Variants in MYO10 observed in about 807,000 individuals in gnomAD.
The protein encoded by MYO10 is myosin X.
Under a neutral mutation model 257.3 loss-of-function variants are expected in MYO10, and 133 were observed. The observed-to-expected ratio is 0.52, with a 90% confidence interval of 0.45 to 0.60. The LOEUF is 0.60. Among genes scored for constraint, MYO10 ranks in the 20% least tolerant of loss-of-function variants. The pLI, the probability that MYO10 is intolerant of heterozygous loss-of-function variation, is 0.00. For missense variants in MYO10, 2,399 were observed against 2,635.7 expected, an observed-to-expected ratio of 0.91 and a Z score of 1.97; for synonymous variants, 1,104 against 1,028.6, an observed-to-expected ratio of 1.07 and a Z score of -1.40.
intron 1 of MYO10, among the ~76,000 whole-genome samples, chr5:16,906,476 C>G (rs1303267511): frequency 6.6e-6 from 1 of 152,166 alleles, no homozygotes; most frequent in Non-Finnish European, 1.5e-5. Context: ...CCCCTGGAGG[C>G]AAAATCGCAC....
intron 12 of MYO10, 62 bp downstream of exon 12, chr5:16,764,188 G>C (rs1410999027): frequency 5.8e-6 from 9 of 1,552,016 alleles, no homozygotes; most frequent in Non-Finnish European, 7.9e-6. Flanking sequence ...ACAGAGATTT[G>C]TTCAATAGCA....
intron 1 of MYO10, among the ~76,000 whole-genome samples, chr5:16,880,904 T>A (rs1188924610): frequency 2.0e-5 from 3 of 152,232 alleles, no homozygotes; most frequent in African/African-American, 7.2e-5. Flanking sequence ...AGATTTCAAG[T>A]GCCTGATGAC....
At chr5:16,764,156 A>AG in intron 12 of MYO10, 94 bp downstream of exon 12, 1 of 1,433,150 alleles carries the variant, frequency 7.0e-7, no homozygotes, top group Non-Finnish European at 9.5e-7. Flanking sequence ...CAAAAAAAAA[A>AG]AGAAAAAAAA....
intron 2 of MYO10, among the ~76,000 whole-genome samples, chr5:16,837,784 C>A (rs1355782163): frequency 2.0e-5 from 3 of 152,176 alleles, no homozygotes; most frequent in Admixed American, 6.6e-5. Flanking sequence ...GTTTAATTCA[C>A]AGACACTGCA....
rs192382363 is a variant in MYO10, at chr5:16,861,599, G to C, written c.120+16010C>G. On this transcript the variant is annotated intron_variant, in intron 2 of 40. Coordinates refer to ENST00000513610, the MANE Select transcript of MYO10 (RefSeq NM_012334.3). ...AAAAAAGAAAAAAAGCTATTGCAAA[G>C]TAGGGGTAAGTGAGAAGTGGCATGA... Among the ~76,000 whole-genome samples, 557 of 152,162 alleles carry C rather than the reference G, an allele frequency of 3.7e-3. 5 individuals carry two copies. Among genetic ancestry groups the C allele is most frequent in the African/African-American group, 0.013 (543 of 41,528 alleles).
At chr5:16,804,035 C>T (rs956234374) in intron 3 of MYO10, among the ~76,000 whole-genome samples, 12 of 152,322 alleles carry the variant, frequency 7.9e-5, no homozygotes, top group Middle Eastern at 3.4e-3. Flanking sequence ...CCTACGGTCA[C>T]GGAGCCCGTG....
At chr5:16,699,321 T>C in intron 26 of MYO10, 129 bp downstream of exon 26, 1 of 1,260,962 alleles carries the variant, frequency 7.9e-7, no homozygotes. Context: ...TAGAACGACT[T>C]TCCCAGTCCC....
rs73064989 is a variant in MYO10 at position 16,922,327 on chromosome 5, C to T, written c.21+13461G>A. Among the ~76,000 whole-genome samples the T allele has an allele frequency of 9.7e-3, 1,469 of 152,216 alleles. 25 individuals carry two copies. The highest frequency in any genetic ancestry group is 0.034 in the African/African-American group (1,398 of 41,522). ...CTTCCAGAGGGCTGCACACCTTGGC[C>T]CTTAGCTCCAAGCCGCCTGCAATGA... On this transcript the variant is annotated intron_variant, in intron 1 of 40. Transcript: ENST00000513610.
At chr5:16,870,680 G>A (rs973043080) in intron 2 of MYO10, among the ~76,000 whole-genome samples, 1 of 151,966 alleles carries the variant, frequency 6.6e-6, no homozygotes, top group Non-Finnish European at 1.5e-5. Flanking sequence ...ATCATCTGAG[G>A]TTGGGAGTTG....
At chr5:16,741,528 T>A (rs1740017802) in intron 19 of MYO10, among the ~76,000 whole-genome samples, 1 of 151,994 alleles carries the variant, frequency 6.6e-6, no homozygotes, top group African/African-American at 2.4e-5. Context: ...AAAAAAGAAG[T>A]TTTCCTATAA....
chr5:16,781,965 A>G, intron 5 of MYO10, 136 bp from the exon 6 acceptor site: 1 of 1,094,838 alleles, frequency 9.1e-7, no homozygotes, highest in East Asian at 2.4e-5. Context: ...GGCAATGTTT[A>G]TTTCCGGAAG....
intron 18 of MYO10, among the ~76,000 whole-genome samples, chr5:16,756,506 T>A (rs567309950): frequency 6.6e-6 from 1 of 152,238 alleles, no homozygotes; most frequent in African/African-American, 2.4e-5. Context: ...CATAATCTTG[T>A]TGAAGAAAAC....
At chr5:16,923,129 T>C (rs897782504) in intron 1 of MYO10, among the ~76,000 whole-genome samples, 1 of 152,126 alleles carries the variant, frequency 6.6e-6, no homozygotes. Flanking sequence ...AGAGTTCTAG[T>C]TTCTTCAGCC....
At chr5:16,830,118 C>G (rs771040424) in intron 2 of MYO10, among the ~76,000 whole-genome samples, 5 of 151,970 alleles carry the variant, frequency 3.3e-5, no homozygotes, top group Non-Finnish European at 5.9e-5. Flanking sequence ...CGCCTTTAGT[C>G]CCAGCTACTT....
At chr5:16,855,812 G>T (rs573532751) in intron 2 of MYO10, among the ~76,000 whole-genome samples, 1 of 152,356 alleles carries the variant, frequency 6.6e-6, no homozygotes, top group South Asian at 2.1e-4. Flanking sequence ...TGTGAACTCT[G>T]ACGTGGCGGG....
intron 2 of MYO10, among the ~76,000 whole-genome samples, chr5:16,857,422 T>G (rs1363717031): frequency 6.6e-6 from 1 of 152,332 alleles, no homozygotes; most frequent in South Asian, 2.1e-4. Context: ...GATGCTTTTA[T>G]TTAGAGCATG....
chr5:16,895,862 A>G (rs888489647), intron 1 of MYO10, among the ~76,000 whole-genome samples: 1 of 151,818 alleles, frequency 6.6e-6, no homozygotes, highest in African/African-American at 2.4e-5. Flanking sequence ...CGTGCAATAA[A>G]CTTGCAAAAC....
At chr5:16,717,937 C>G (rs1738945317) in intron 19 of MYO10, among the ~76,000 whole-genome samples, 1 of 152,216 alleles carries the variant, frequency 6.6e-6, no homozygotes, top group Non-Finnish European at 1.5e-5. Flanking sequence ...CCTCAGCTTG[C>G]AGGGAGGTGT....
At chr5:16,761,829 T>A (rs1318101219) in intron 16 of MYO10, among the ~76,000 whole-genome samples, 2 of 151,974 alleles carry the variant, frequency 1.3e-5, no homozygotes, top group African/African-American at 4.8e-5. Context: ...TTAAAAAATA[T>A]CTTGTAAGAT....
Sources: gnomAD v4.1 joint callset for allele counts (sites outside exome capture counted in the v4.1 genomes callset) on GRCh38, gnomAD v4.1.1 for gene constraint, MANE v1.5 for transcripts, NCBI Gene and HGNC (gene_info 2026-07-23, HGNC 2026-07-21) for gene names.